NBEA: variants seen among roughly 807,000 people sequenced by gnomAD.
NBEA encodes the protein neurobeachin.
NBEA carries 44 observed loss-of-function variants against 343.4 expected under a neutral mutation model. That is an observed-to-expected ratio of 0.13 (90% CI 0.10 to 0.16). NBEA has a LOEUF of 0.16. Ranked by LOEUF, NBEA falls within the 10% of genes least tolerant of loss-of-function variation. The pLI is 1.00. For missense variants in NBEA, 2,555 were observed against 3,631.3 expected (o/e 0.70, Z 7.62); for synonymous variants, 1,175 against 1,238.7 (o/e 0.95, Z 1.08).
At chr13:35,241,002 G>T (rs1030418771) in intron 34 of NBEA, among the ~76,000 whole-genome samples, 1 of 151,532 alleles carries the variant, frequency 6.6e-6, no homozygotes, top group African/African-American at 2.4e-5. Flanking sequence ...CTAAATAATG[G>T]TGAACTATAT....
chr13:35,414,294 A>G (rs1479188560), intron 38 of NBEA, among the ~76,000 whole-genome samples: 1 of 152,124 alleles, frequency 6.6e-6, no homozygotes, highest in African/African-American at 2.4e-5. Context: ...GGTTTGGTAC[A>G]TATGTATACA....
chr13:34,943,299 CTCCTCTCCTCTTTCTGG>C (rs904845492), intron 1 of NBEA, among the ~76,000 whole-genome samples, 185 bp downstream of exon 1: 2 of 152,248 alleles, frequency 1.3e-5, no homozygotes, highest in East Asian at 3.9e-4. Context: ...CGCCACCTCC[CTCCTCTCCTCTTTCTGG>C]TCCTCTCCTG....
intron 36 of NBEA, among the ~76,000 whole-genome samples, chr13:35,318,504 A>G (rs2037904429): frequency 6.6e-6 from 1 of 152,176 alleles, no homozygotes. Flanking sequence ...TCCGTTTGCC[A>G]GTATGTTATT....
intron 34 of NBEA, among the ~76,000 whole-genome samples, chr13:35,278,460 A>G (rs937439059): frequency 6.6e-6 from 1 of 152,146 alleles, no homozygotes; most frequent in Non-Finnish European, 1.5e-5. Context: ...CATTTAACCA[A>G]AATGCTCAAG....
intron 34 of NBEA, among the ~76,000 whole-genome samples, chr13:35,235,000 A>G (rs1427552545): frequency 6.6e-6 from 1 of 152,180 alleles, no homozygotes; most frequent in South Asian, 2.1e-4. Flanking sequence ...AGAATGAATA[A>G]TTTCCGAAAA....
intron 1 of NBEA, among the ~76,000 whole-genome samples, chr13:34,997,690 T>C (rs2060985169): frequency 6.6e-6 from 1 of 152,196 alleles, no homozygotes; most frequent in African/African-American, 2.4e-5. Context: ...CCAAAATCTT[T>C]TTACCTTTTA....
At chr13:35,375,148 T>C (rs2041667011) in intron 38 of NBEA, among the ~76,000 whole-genome samples, 1 of 152,152 alleles carries the variant, frequency 6.6e-6, no homozygotes. Flanking sequence ...TTCGCACTGC[T>C]TTCCTTCCTT....
intron 44 of NBEA, among the ~76,000 whole-genome samples, chr13:35,559,594 A>G (rs1481845015): frequency 1.3e-5 from 2 of 152,094 alleles, no homozygotes; most frequent in Admixed American, 6.6e-5. Flanking sequence ...TAGTATTGTT[A>G]TTATGTCTTT....
chr13:35,012,122 A>G (rs1288722447), intron 1 of NBEA, among the ~76,000 whole-genome samples: 1 of 152,240 alleles, frequency 6.6e-6, no homozygotes, highest in Non-Finnish European at 1.5e-5. Context: ...CCACTATAAT[A>G]GAATAGTACA....
chr13:35,238,942 C>G (rs941194970), intron 34 of NBEA, among the ~76,000 whole-genome samples: 5 of 152,026 alleles, frequency 3.3e-5, no homozygotes, highest in African/African-American at 1.2e-4. Context: ...TCAAGAAGCT[C>G]CATATCATTC....
chr13:35,636,865 C>T (rs1000266359), intron 49 of NBEA, among the ~76,000 whole-genome samples: 1 of 152,152 alleles, frequency 6.6e-6, no homozygotes, highest in African/African-American at 2.4e-5. Context: ...TCCAGGTAGG[C>T]GAATCCCTAA....
intron 41 of NBEA, among the ~76,000 whole-genome samples, chr13:35,483,423 G>C (rs2076192924): frequency 6.6e-6 from 1 of 151,912 alleles, no homozygotes. Flanking sequence ...GGTAGGAATT[G>C]AGGCTAAAGA....
At chr13:35,436,087 AAAAG>A (rs1430641872) in intron 39 of NBEA, among the ~76,000 whole-genome samples, 1 of 152,190 alleles carries the variant, frequency 6.6e-6, no homozygotes, top group African/African-American at 2.4e-5. Context: ...GGACTCAAAA[AAAAG>A]AAAACAGATT....
intron 55 of NBEA, 85 bp downstream of exon 55, chr13:35,655,834 C>T: frequency 7.7e-7 from 1 of 1,297,904 alleles, no homozygotes; most frequent in Non-Finnish European, 1.1e-6. Context: ...ATAGTTTTTT[C>T]CTGAGGTGTA....
At chr13:34,954,455 G>T (rs984682628) in intron 1 of NBEA, among the ~76,000 whole-genome samples, 1 of 152,134 alleles carries the variant, frequency 6.6e-6, no homozygotes, top group Admixed American at 6.5e-5. Context: ...TAGTTAGTTT[G>T]CTTGTTTCAG....
chr13:35,391,287 A>AAG (rs1555250454), intron 38 of NBEA, among the ~76,000 whole-genome samples: 5 of 151,748 alleles, frequency 3.3e-5, no homozygotes, highest in Non-Finnish European at 7.4e-5. Flanking sequence ...AAAAAAAAAA[A>AAG]AAGAAGAAGA....
intron 43 of NBEA, among the ~76,000 whole-genome samples, chr13:35,553,010 G>C (rs535846349): frequency 1.3e-5 from 2 of 152,076 alleles, no homozygotes; most frequent in African/African-American, 4.8e-5. Flanking sequence ...TCCCACCTCA[G>C]TTTCCCAAGT....
chr13:35,608,110 G>A (rs577773881), intron 48 of NBEA, among the ~76,000 whole-genome samples: 11 of 151,888 alleles, frequency 7.2e-5, no homozygotes, highest in South Asian at 4.2e-4. Context: ...TACTTTTAAC[G>A]TACTTTATTT....
Position 35,386,374 on chromosome 13 carries a change from C to A in NBEA, c.6179+34051C>A, listed in dbSNP as rs182808803. Among the ~76,000 whole-genome samples, 762 of 152,196 alleles carry A rather than the reference C, an allele frequency of 5.0e-3. 2 individuals carry two copies. The highest frequency in any genetic ancestry group is 8.6e-3 in the Non-Finnish European group (587 of 67,976). On this transcript the variant is annotated intron_variant, in intron 38 of 58. Transcript: ENST00000379939. The stretch of plus-strand genomic sequence containing the variant: ...GAAACAATTAAGTGTTCTCTGTCCC[C>A]AAAATATTTCTACTACATAGTCTGA...
Sources: allele counts gnomAD v4.1 joint callset (sites outside exome capture counted in the v4.1 genomes callset), GRCh38; gene constraint gnomAD v4.1.1; transcripts MANE v1.5; gene names NCBI Gene and HGNC (gene_info 2026-07-23, HGNC 2026-07-21).